SLCO3A1: variants seen among roughly 807,000 people sequenced by gnomAD.
SLCO3A1 encodes the protein solute carrier organic anion transporter family member 3A1.
A neutral mutation model predicts 63.1 loss-of-function variants in SLCO3A1; 27 were observed. The ratio of observed to expected loss-of-function variants is 0.43; its 90% confidence interval spans 0.32 to 0.59. The LOEUF (loss-of-function observed/expected upper bound fraction) is 0.59, where lower values mean the gene tolerates loss of function less well. SLCO3A1 is among the 20% of genes least tolerant of loss of function. The pLI, the probability that SLCO3A1 is intolerant of heterozygous loss-of-function variation, is 0.09. For missense variants in SLCO3A1, 773 were observed against 945.8 expected, an observed-to-expected ratio of 0.82 and a Z score of 2.40; for synonymous variants, 473 against 409.9, an observed-to-expected ratio of 1.15 and a Z score of -1.86.
chr15:91,989,637 C>G (rs970933621), intron 2 of SLCO3A1, among the ~76,000 whole-genome samples: 2 of 152,202 alleles, frequency 1.3e-5, no homozygotes, highest in Non-Finnish European at 1.5e-5. Flanking sequence ...TCCATTACCT[C>G]GTTGCTCTGC....
chr15:92,030,613 A>G (rs966751802), intron 2 of SLCO3A1, among the ~76,000 whole-genome samples: 13 of 152,210 alleles, frequency 8.5e-5, no homozygotes, highest in Non-Finnish European at 1.8e-4. Flanking sequence ...ATTAAATCTA[A>G]AAGAATCTTC....
At chr15:92,046,108 C>G (rs1287523636) in intron 2 of SLCO3A1, among the ~76,000 whole-genome samples, 1 of 152,096 alleles carries the variant, frequency 6.6e-6, no homozygotes. Flanking sequence ...CTAATCGGAG[C>G]TAGAAGGGAT....
intron 2 of SLCO3A1, among the ~76,000 whole-genome samples, chr15:92,049,902 C>T (rs1475017519): frequency 1.3e-5 from 2 of 152,166 alleles, no homozygotes; most frequent in Non-Finnish European, 2.9e-5. Context: ...TTAGCAAGAG[C>T]ACAAGTTGCT....
In SLCO3A1 at chr15:91,865,213, G is replaced by T. The variant is rs905970370; in HGVS notation, c.180+11125G>T. ...TTTATTTGGGAACAGGAATAAGTGG[G>T]GACTTGACATTTTATTTAAACTTTT... On this transcript the variant is annotated intron_variant, in intron 1 of 9. Coordinates refer to ENST00000318445, the MANE Select transcript of SLCO3A1 (RefSeq NM_013272.4). The surrounding 1 kb of genome is among the most constrained non-coding windows in gnomAD (Gnocchi z 4.6). Among the ~76,000 whole-genome samples, 1 of 152,170 alleles carries T rather than the reference G, an allele frequency of 6.6e-6. No individual in the cohort carries two copies. Among genetic ancestry groups the T allele is most frequent in the Non-Finnish European group, 1.5e-5 (1 of 68,030 alleles).
At chr15:91,957,616 G>C (rs1900287534) in intron 2 of SLCO3A1, among the ~76,000 whole-genome samples, 1 of 151,942 alleles carries the variant, frequency 6.6e-6, no homozygotes, top group African/African-American at 2.4e-5. Flanking sequence ...ATATCCTCCT[G>C]GCTCTCCTTC....
In SLCO3A1 at chr15:91,915,689, G is replaced by T. The variant is rs528989875; in HGVS notation, c.181-304G>T. ...CTGTCTGTGGTGGAGGTCTGTGGGG[G>T]TGGGGAATGCAGTGTTTCCGGAAGA... On this transcript the variant is annotated intron_variant, in intron 1 of 9. Transcript: ENST00000318445. Among the ~76,000 whole-genome samples the T allele has an allele frequency of 2.0e-4, 31 of 152,244 alleles. No homozygotes were observed. In the Middle Eastern group the frequency reaches 0.01, roughly 50 times the overall value.
intron 1 of SLCO3A1, among the ~76,000 whole-genome samples, chr15:91,890,808 A>G (rs1897850609): frequency 6.6e-6 from 1 of 152,194 alleles, no homozygotes; most frequent in African/African-American, 2.4e-5. Flanking sequence ...GAGGAGAAGG[A>G]GCTCTCTGCT....
At chr15:91,955,337 C>CT (rs765442580) in intron 2 of SLCO3A1, among the ~76,000 whole-genome samples, 10,595 of 143,534 alleles carry the variant, frequency 0.074, 397 homozygotes, top group Non-Finnish European at 0.092. Flanking sequence ...TTTTCTTTTT[C>CT]TTTTTTTTTT....
intron 1 of SLCO3A1, among the ~76,000 whole-genome samples, chr15:91,890,558 C>T (rs1430243621): frequency 6.6e-6 from 1 of 152,152 alleles, no homozygotes; most frequent in Non-Finnish European, 1.5e-5. Context: ...CAAGGATGTT[C>T]GAGATGTTGT....
chr15:91,882,100 A>G lies in SLCO3A1; in HGVS notation c.180+28012A>G, dbSNP rs1597086227. Among the ~76,000 whole-genome samples the G allele has an allele frequency of 1.3e-5, 2 of 152,196 alleles. No individual in the cohort carries two copies. The highest frequency in any genetic ancestry group is 6.5e-5 in the Admixed American group (1 of 15,274). ...CTCAAGGACATCCCCTTAGTTGCCTAGAAGGGAAGCAGTGCATTCCAGGAT... is the reference window on the plus strand; with the variant it reads ...CTCAAGGACATCCCCTTAGTTGCCTGGAAGGGAAGCAGTGCATTCCAGGAT... On this transcript the variant is annotated intron_variant, in intron 1 of 9. Coordinates refer to ENST00000318445, the MANE Select transcript of SLCO3A1 (RefSeq NM_013272.4). This position sits in a 1 kb window ranked among gnomAD's most constrained non-coding sequence, Gnocchi z 4.4.
chr15:91,869,385 A>T (rs2141853542), intron 1 of SLCO3A1, among the ~76,000 whole-genome samples: 1 of 152,196 alleles, frequency 6.6e-6, no homozygotes, highest in African/African-American at 2.4e-5. Flanking sequence ...AAAATAAAAA[A>T]ATTAGCCAGG....
chr15:91,956,979 A>T (rs1182295947), intron 2 of SLCO3A1, among the ~76,000 whole-genome samples: 15 of 34,098 alleles, frequency 4.4e-4, no homozygotes, highest in Non-Finnish European at 5.9e-4. Context: ...TATATATAGT[A>T]TATATAATAT....
intron 2 of SLCO3A1, among the ~76,000 whole-genome samples, chr15:92,069,913 C>G (rs2047195465): frequency 6.6e-6 from 1 of 152,206 alleles, no homozygotes; most frequent in South Asian, 2.1e-4. Flanking sequence ...GTTAAGATGA[C>G]TTGCTGCAGT....
chr15:91,898,912 G>A (rs902834568), intron 1 of SLCO3A1, among the ~76,000 whole-genome samples: 2 of 152,100 alleles, frequency 1.3e-5, no homozygotes, highest in African/African-American at 4.8e-5. Context: ...TTTATTCTTC[G>A]TGGCTCCTAT....
chr15:92,139,292 A>G (rs1336068139), intron 7 of SLCO3A1, among the ~76,000 whole-genome samples: 2 of 146,374 alleles, frequency 1.4e-5, no homozygotes, highest in African/African-American at 2.5e-5. Flanking sequence ...TGATTTGCGT[A>G]TATTGAACCA....
intron 4 of SLCO3A1, 29 bp downstream of exon 4, chr15:92,104,571 A>G (rs781532848): frequency 6.2e-7 from 1 of 1,602,838 alleles, no homozygotes; most frequent in Non-Finnish European, 8.5e-7. Flanking sequence ...GCCTCTGCTC[A>G]GAACAGTAGG....
chr15:92,046,511 C>T (rs1020167179), intron 2 of SLCO3A1, among the ~76,000 whole-genome samples: 1 of 152,138 alleles, frequency 6.6e-6, no homozygotes, highest in African/African-American at 2.4e-5. Flanking sequence ...GCCTGGGCTA[C>T]AGAGTGAGAC....
chr15:92,159,459 T>G (rs1326938827), intron 9 of SLCO3A1, among the ~76,000 whole-genome samples: 1 of 150,922 alleles, frequency 6.6e-6, no homozygotes, highest in Non-Finnish European at 1.5e-5. Flanking sequence ...CACTCCAGCC[T>G]GGCCACAGAA....
At position 92,163,036 on chromosome 15, in the gene SLCO3A1, G is replaced by A; in HGVS notation, c.2034G>A (p.Leu678=). 1 of 1,597,912 alleles carries A rather than the reference G, an allele frequency of 6.3e-7. No individual in the cohort carries two copies. Among genetic ancestry groups the A allele is most frequent in the Non-Finnish European group, 8.5e-7 (1 of 1,171,568 alleles). ...CCTCTACTCTGACCCTAGACAACCT[G>A]GGGAGGGACCCTGTGCCCGCAAACC... is the stretch of plus-strand genomic sequence containing the variant. The part of the protein sequence containing the change: ...FFASTLTLDN[L]GRDPVPANQT... Residue 678 remains leucine (L), a synonymous_variant, in exon 10 of 10, where the codon CTG becomes CTA. Transcript: ENST00000318445.
Sources: gnomAD v4.1 joint callset for allele counts (sites outside exome capture counted in the v4.1 genomes callset) on GRCh38, gnomAD v4.1.1 for gene constraint, Gnocchi (gnomAD v3.1) non-coding constraint, MANE v1.5 for transcripts, NCBI Gene and HGNC (gene_info 2026-07-23, HGNC 2026-07-21) for gene names.